TNKS2: variants seen among roughly 807,000 people sequenced by gnomAD.
TNKS2 encodes the protein poly [ADP-ribose] polymerase tankyrase-2.
Under a neutral mutation model 137.6 loss-of-function variants are expected in TNKS2, and 72 were observed. That is an observed-to-expected ratio of 0.52 (90% CI 0.43 to 0.64). TNKS2 has a LOEUF of 0.64. Among genes scored for constraint, TNKS2 ranks in the 30% least tolerant of loss-of-function variants. TNKS2 has a pLI of 0.00. For synonymous variants in TNKS2, 516 were observed against 512.1 expected (o/e 1.01, Z -0.10); for missense variants, 1,049 against 1,410.2 (o/e 0.74, Z 4.10).
chr10:91,859,184 G>T (rs887072812), intron 24 of TNKS2, among the ~76,000 whole-genome samples: 5 of 152,084 alleles, frequency 3.3e-5, no homozygotes, highest in African/African-American at 1.2e-4. Context: ...CTGGCATTTG[G>T]TAACTCTTAC....
chr10:91,804,011 T>A (rs1226106617), intron 1 of TNKS2, among the ~76,000 whole-genome samples: 1 of 152,134 alleles, frequency 6.6e-6, no homozygotes, highest in Non-Finnish European at 1.5e-5. Context: ...GGGAAACCAT[T>A]CAGATGAAAG....
intron 12 of TNKS2, among the ~76,000 whole-genome samples, chr10:91,834,989 C>T (rs1204784029): frequency 1.3e-5 from 2 of 152,128 alleles, no homozygotes; most frequent in Non-Finnish European, 2.9e-5. Context: ...GTCAAATTAT[C>T]TTCTGTTAAT....
chr10:91,855,912 G>C (rs1842691119), intron 23 of TNKS2, among the ~76,000 whole-genome samples: 1 of 152,056 alleles, frequency 6.6e-6, no homozygotes, highest in African/African-American at 2.4e-5. Flanking sequence ...ACATATTCAA[G>C]TTTATGGGTT....
chr10:91,852,075 A>G (rs951244088), intron 21 of TNKS2, among the ~76,000 whole-genome samples: 9 of 151,148 alleles, frequency 6.0e-5, no homozygotes, highest in African/African-American at 2.2e-4. Context: ...AAAAATACAA[A>G]AAATTAGCCG....
intron 21 of TNKS2, among the ~76,000 whole-genome samples, chr10:91,852,335 A>G (rs1388165351): frequency 6.6e-6 from 1 of 151,966 alleles, no homozygotes; most frequent in African/African-American, 2.4e-5. Flanking sequence ...AGGTGGGCAG[A>G]TCACGAGGTC....
In TNKS2 at chr10:91,848,423, C is replaced by T; in HGVS notation, c.2399C>T (p.Pro800Leu). ...VSALLTAAMPPSALPSCYKPQ... is the reference protein window; with the variant it reads ...VSALLTAAMPLSALPSCYKPQ... Reference sequence around the variant, plus strand: ...GCTCTTCTGACAGCAGCCATGCCCCCATCTGCTCTGCCCTCTTGTTACAAG... The same window carrying T: ...GCTCTTCTGACAGCAGCCATGCCCCTATCTGCTCTGCCCTCTTGTTACAAG... The change falls in exon 19 of 27, where the codon CCA becomes CTA. Residue 800 changes from proline (P) to leucine (L), a missense_variant. Pro to Leu is a moderately conservative substitution (Grantham distance 98, BLOSUM62 -3). This residue lies in a region of TNKS2 where 208 missense variants were observed against 231.2 expected (regional missense o/e 0.90). Transcript: ENST00000371627. 1 of 1,614,240 alleles carries T rather than the reference C, an allele frequency of 6.2e-7. No homozygotes were observed. The highest frequency in any genetic ancestry group is 8.5e-7 in the Non-Finnish European group (1 of 1,180,034).
At chr10:91,807,103 T>C in intron 1 of TNKS2, 1 of 1,458,506 alleles carries the variant, frequency 6.9e-7, no homozygotes, top group South Asian at 1.2e-5. Context: ...ATAAAGTACT[T>C]TCTGTCCCAA....
chr10:91,815,339 T>TA (rs1162738351), intron 2 of TNKS2, among the ~76,000 whole-genome samples: 1 of 152,246 alleles, frequency 6.6e-6, no homozygotes, highest in Non-Finnish European at 1.5e-5. Context: ...ATTTCCTAGT[T>TA]ACCTCTGCCC....
intron 7 of TNKS2, among the ~76,000 whole-genome samples, chr10:91,826,661 G>A (rs1848573840): frequency 6.6e-6 from 1 of 152,116 alleles, no homozygotes; most frequent in African/African-American, 2.4e-5. Flanking sequence ...TTTGGGTGAT[G>A]GTATCACAGA....
intron 1 of TNKS2, among the ~76,000 whole-genome samples, chr10:91,801,706 T>G (rs1035414572): frequency 2.6e-5 from 4 of 152,132 alleles, no homozygotes; most frequent in African/African-American, 9.7e-5. Context: ...ACTCCTGATC[T>G]CGTGATCCGC....
chr10:91,860,578 A>T (rs186204260), intron 25 of TNKS2, among the ~76,000 whole-genome samples: 1 of 152,328 alleles, frequency 6.6e-6, no homozygotes, highest in Admixed American at 6.5e-5. Flanking sequence ...AGGGAATATT[A>T]AAAAACTATT....
intron 13 of TNKS2, among the ~76,000 whole-genome samples, chr10:91,840,074 C>G (rs1213995861): frequency 6.6e-6 from 1 of 152,196 alleles, no homozygotes; most frequent in African/African-American, 2.4e-5. Flanking sequence ...GGCACGGTGG[C>G]TCACACTTGT....
chr10:91,844,879 A>C, intron 16 of TNKS2, 40 bp from the exon 17 acceptor site: 1 of 1,456,052 alleles, frequency 6.9e-7, no homozygotes, highest in Non-Finnish European at 9.5e-7. Flanking sequence ...ACTAAAAAAG[A>C]AAAAACAAGT....
chr10:91,860,198 C>G (rs556262348), intron 25 of TNKS2, among the ~76,000 whole-genome samples: 48 of 152,212 alleles, frequency 3.2e-4, no homozygotes, highest in African/African-American at 1.1e-3. Context: ...TTCTAACTCA[C>G]TTGTTAAAAA....
At chr10:91,852,916 T>C (rs879502296) in intron 21 of TNKS2, among the ~76,000 whole-genome samples, 3 of 152,228 alleles carry the variant, frequency 2.0e-5, no homozygotes, top group Non-Finnish European at 2.9e-5. Context: ...TGCAATATGC[T>C]CTTGGCTGTT....
At chr10:91,828,552 A>C in intron 9 of TNKS2, 146 bp downstream of exon 9, 1 of 904,502 alleles carries the variant, frequency 1.1e-6, no homozygotes, top group Non-Finnish European at 1.5e-6. Flanking sequence ...AAAAATTTAA[A>C]CAGTACCAAA....
chr10:91,836,524 C>T (rs1842022688), intron 12 of TNKS2: 1 of 567,826 alleles, frequency 1.8e-6, no homozygotes, highest in Admixed American at 6.3e-5. Context: ...GTTCCAGTGA[C>T]TTGTTCCAGT....
chr10:91,855,439 C>T (rs946215737), intron 22 of TNKS2, among the ~76,000 whole-genome samples, 175 bp from the exon 23 acceptor site: 2 of 152,122 alleles, frequency 1.3e-5, no homozygotes, highest in African/African-American at 4.8e-5. Context: ...CCACCTGCCT[C>T]GGCCTCCCAA....
At position 91,827,243 on chromosome 10, in the gene TNKS2, T is replaced by C. The variant is rs112857334; in HGVS notation, c.982+40T>C. 3.0e-6 allele frequency: 4 copies of C among 1,349,592 alleles called. No homozygotes were observed. In the African/African-American group the frequency reaches 5.9e-5, roughly 20 times the overall value. The allele number at this position is 1,349,592 out of a possible 1,614,324, so 83.6% of individuals were successfully genotyped here. On this transcript the variant is annotated intron_variant, in intron 8 of 26. Transcript: ENST00000371627. ...ATGAATGTTCAGGTAGGATATTATA[T>C]CAATAAACTGAACATTTTTTCTTTC...
Sources: allele counts gnomAD v4.1 joint callset (sites outside exome capture counted in the v4.1 genomes callset), GRCh38; gene constraint gnomAD v4.1.1; regional missense constraint gnomAD v4.1.1; transcripts MANE v1.5; gene names NCBI Gene and HGNC (gene_info 2026-07-23, HGNC 2026-07-21).